Variants in LPP observed in about 807,000 individuals in gnomAD.
LPP encodes LIM domain containing preferred translocation partner in lipoma.
In LPP, 38 loss-of-function variants were observed where a neutral mutation model predicts 60.4. The observed-to-expected ratio is 0.63, with a 90% CI of 0.49 to 0.83. The LOEUF (loss-of-function observed/expected upper bound fraction) is 0.83, where lower values mean the gene tolerates loss of function less well. LPP is among the 40% of genes least tolerant of loss of function. The pLI is 0.00. For synonymous variants in LPP, 328 were observed against 290.8 expected (o/e 1.13, Z -1.30); for missense variants, 902 against 783.6 (o/e 1.15, Z -1.80).
rs562328381 is a variant in LPP, at chr3:188,573,794, A to G, written c.430-35367A>G. Among the ~76,000 whole-genome samples, 12 of 152,206 alleles carry G rather than the reference A, an allele frequency of 7.9e-5. 1 individual carries two copies. The South Asian group carries it at 2.5e-3, about 32-fold the overall frequency. On this transcript the variant is annotated intron_variant, in intron 6 of 11. Coordinates refer to ENST00000617246, the MANE Select transcript of LPP (RefSeq NM_001375462.1). ...GGAAGCCAGTGACCAGGGGAGGGCC[A>G]GAGAGGACATGTGGAGGACAGAATT...
intron 2 of LPP, among the ~76,000 whole-genome samples, chr3:188,314,822 T>TAAAC (rs990979131): frequency 6.6e-5 from 10 of 152,092 alleles, no homozygotes; most frequent in South Asian, 4.1e-4. Flanking sequence ...CATCTCAAAA[T>TAAAC]AAACAAACAA....
rs184909584 is a variant in LPP at position 188,367,675 on chromosome 3, A to T, written c.-10+25956A>T. ...GGCAGCCTTTTCTAAAATGTGCTCC[A>T]TGAAATACTAGATTCATAAATGGTC... On this transcript the variant is annotated intron_variant, in intron 3 of 11. Coordinates refer to ENST00000617246, the MANE Select transcript of LPP (RefSeq NM_001375462.1). Among the ~76,000 whole-genome samples the T allele has an allele frequency of 4.2e-4, 64 of 152,350 alleles. No individual in the cohort carries two copies. In the East Asian group the frequency reaches 0.01, roughly 25 times the overall value.
At chr3:188,206,649 T>C (rs927082651) in intron 1 of LPP, among the ~76,000 whole-genome samples, 7 of 152,210 alleles carry the variant, frequency 4.6e-5, no homozygotes, top group Admixed American at 3.3e-4. Flanking sequence ...GGAGAGGATT[T>C]CATCTCTTAG....
chr3:188,449,562 AT>A (rs1329022524), intron 4 of LPP, among the ~76,000 whole-genome samples: 2 of 152,110 alleles, frequency 1.3e-5, no homozygotes, highest in Non-Finnish European at 2.9e-5. Flanking sequence ...TGTTTTATAG[AT>A]TAGAAAACTG....
chr3:188,547,990 G>A (rs937656312), intron 6 of LPP, among the ~76,000 whole-genome samples: 3 of 152,116 alleles, frequency 2.0e-5, no homozygotes, highest in Non-Finnish European at 2.9e-5. Flanking sequence ...TCTAACCTTG[G>A]AGCACTCAGA....
intron 7 of LPP, among the ~76,000 whole-genome samples, chr3:188,636,223 G>A (rs1478319882): frequency 2.0e-5 from 3 of 152,208 alleles, no homozygotes; most frequent in East Asian, 1.9e-4. Context: ...CCGAAGCAGG[G>A]CGAGGCATTG....
chr3:188,350,892 T>C (rs1330926245), intron 3 of LPP, among the ~76,000 whole-genome samples: 3 of 152,208 alleles, frequency 2.0e-5, no homozygotes, highest in Admixed American at 2.0e-4. Context: ...CCAGCTCTTA[T>C]AAAATACACC....
chr3:188,851,678 T>G (rs1560293571), intron 9 of LPP, among the ~76,000 whole-genome samples: 2 of 152,256 alleles, frequency 1.3e-5, no homozygotes, highest in African/African-American at 2.4e-5. Context: ...ATATTTCATG[T>G]GCTATTGTCA....
chr3:188,686,709 T>C (rs762223563), intron 7 of LPP, among the ~76,000 whole-genome samples: 16 of 152,144 alleles, frequency 1.1e-4, no homozygotes, highest in Admixed American at 3.9e-4. Context: ...ATCTATGATT[T>C]AGATAGAAGA....
chr3:188,365,348 A>G (rs929244153), intron 3 of LPP, among the ~76,000 whole-genome samples: 3 of 152,256 alleles, frequency 2.0e-5, no homozygotes, highest in Non-Finnish European at 4.4e-5. Flanking sequence ...TGCCACCAGC[A>G]ACCCTGCAGT....
chr3:188,304,171 C>T (rs1370511195), intron 2 of LPP, among the ~76,000 whole-genome samples: 2 of 152,094 alleles, frequency 1.3e-5, no homozygotes, highest in African/African-American at 4.8e-5. Context: ...TTTTGAATTT[C>T]TGGGTTGGCA....
chr3:188,557,386 A>C (rs965956727), intron 6 of LPP, among the ~76,000 whole-genome samples: 1 of 152,126 alleles, frequency 6.6e-6, no homozygotes, highest in East Asian at 1.9e-4. Context: ...TTAAGCAACA[A>C]CACCAGCAAT....
intron 7 of LPP, among the ~76,000 whole-genome samples, chr3:188,675,552 T>C (rs886906968): frequency 2.0e-5 from 3 of 152,204 alleles, no homozygotes; most frequent in Non-Finnish European, 2.9e-5. Flanking sequence ...TTGGTAGTAA[T>C]CTGTGCTAAG....
chr3:188,803,705 T>A (rs1748038473), intron 9 of LPP, among the ~76,000 whole-genome samples: 1 of 152,220 alleles, frequency 6.6e-6, no homozygotes, highest in African/African-American at 2.4e-5. Flanking sequence ...TCACACACTG[T>A]GTGGGCAATT....
intron 3 of LPP, among the ~76,000 whole-genome samples, chr3:188,372,082 G>T (rs1181975177): frequency 1.3e-5 from 2 of 151,824 alleles, no homozygotes; most frequent in African/African-American, 4.8e-5. Context: ...GCATGGGAGA[G>T]TGAGCTTAGA....
intron 1 of LPP, among the ~76,000 whole-genome samples, chr3:188,163,810 G>A (rs906533469): frequency 2.0e-5 from 3 of 147,558 alleles, no homozygotes; most frequent in Non-Finnish European, 4.5e-5. Context: ...AATTAGCCAG[G>A]TGTGGTAGTG....
chr3:188,333,855 G>A (rs1760820275), intron 2 of LPP, among the ~76,000 whole-genome samples: 1 of 151,984 alleles, frequency 6.6e-6, no homozygotes, highest in African/African-American at 2.4e-5. Context: ...CACCTCAAAC[G>A]TTTATTATTT....
At position 188,609,515 on chromosome 3, in the gene LPP, T is replaced by C. The variant is rs145531948; in HGVS notation, c.784T>C (p.Cys262Arg). ...NTQPVPVSGQ[C>R]PPPSTRGGMD... is the part of the protein sequence containing the mutation. ...TCAGCCAGTTCCTGTCTCTGGGCAG[T>C]GTCCACCTCCTTCAACACGGGGAGG... The change falls in exon 7 of 12, where the codon TGT becomes CGT. Residue 262 changes from cysteine (C) to arginine (R), a missense_variant. Coordinates refer to ENST00000617246, the MANE Select transcript of LPP (RefSeq NM_001375462.1). This position sits in a 1 kb window ranked among gnomAD's most constrained non-coding sequence, Gnocchi z 6.9. 1.4e-4 allele frequency: 233 copies of C among 1,614,064 alleles called. No homozygotes were observed. Among genetic ancestry groups the C allele is most frequent in the Admixed American group, 5.7e-4 (34 of 59,998 alleles).
At chr3:188,331,378 A>G (rs989034675) in intron 2 of LPP, among the ~76,000 whole-genome samples, 1 of 152,156 alleles carries the variant, frequency 6.6e-6, no homozygotes, top group Non-Finnish European at 1.5e-5. Flanking sequence ...TGTAGCCTCC[A>G]CTTGAACTTT....
Sources: gnomAD v4.1 joint callset for allele counts (sites outside exome capture counted in the v4.1 genomes callset) on GRCh38, gnomAD v4.1.1 for gene constraint, Gnocchi (gnomAD v3.1) non-coding constraint, MANE v1.5 for transcripts, NCBI Gene and HGNC (gene_info 2026-07-23, HGNC 2026-07-21) for gene names.